Variants in CWF19L2 observed in about 807,000 individuals in gnomAD.
CWF19L2 encodes CWF19 like cell cycle control factor 2, also known as CWF19-like protein 2.
In CWF19L2, 98 loss-of-function variants were observed where a neutral mutation model predicts 111.7. The ratio of observed to expected loss-of-function variants is 0.88; its 90% CI spans 0.75 to 1.04. CWF19L2 has a LOEUF of 1.04. Among genes scored for constraint, CWF19L2 ranks in the 50% least tolerant of loss-of-function variants. The pLI is 0.00. For missense variants in CWF19L2, 1,101 were observed against 1,051.4 expected, an observed-to-expected ratio of 1.05 and a Z score of -0.65; for synonymous variants, 351 against 342.9, an observed-to-expected ratio of 1.02 and a Z score of -0.26.
chr11:107,403,079 T>C (rs1423045575), intron 10 of CWF19L2, among the ~76,000 whole-genome samples: 1 of 151,282 alleles, frequency 6.6e-6, no homozygotes, highest in Non-Finnish European at 1.5e-5. Flanking sequence ...ATAAGAATGA[T>C]ACAATGCACT....
chr11:107,402,963 G>A (rs1197011998), intron 10 of CWF19L2, among the ~76,000 whole-genome samples: 1 of 147,900 alleles, frequency 6.8e-6, no homozygotes, highest in Non-Finnish European at 1.5e-5. Context: ...TGACCTGGAT[G>A]AGACTGGAGA....
intron 10 of CWF19L2, among the ~76,000 whole-genome samples, chr11:107,406,441 G>A (rs1225271227): frequency 6.6e-6 from 1 of 152,078 alleles, no homozygotes; most frequent in African/African-American, 2.4e-5. Context: ...ACAAGTACCT[G>A]GCCAAGGCAG....
chr11:107,353,693 A>G lies in CWF19L2; in HGVS notation c.1916T>C (p.Met639Thr), dbSNP rs1441370617. 3 of 1,613,786 alleles carry G rather than the reference A, an allele frequency of 1.9e-6. No homozygotes were observed. Among genetic ancestry groups the G allele is most frequent in the Non-Finnish European group, 2.5e-6 (3 of 1,179,742 alleles). The change falls in exon 13 of 18, where the codon ATG becomes ACG. Residue 639 changes from methionine (M) to threonine (T), a missense_variant. Coordinates refer to ENST00000282251, the MANE Select transcript of CWF19L2 (RefSeq NM_152434.3). ...TDGDYYTLDD[M>T]FVSKAAERER... The stretch of plus-strand genomic sequence containing the variant: ...TCTCTCAGCTGCTTTGGAGACAAAC[A>G]TGTCATCCAGGGTGTAATAGTCTCC...
intron 8 of CWF19L2, among the ~76,000 whole-genome samples, chr11:107,425,865 AT>A (rs1861368832): frequency 6.6e-6 from 1 of 151,948 alleles, no homozygotes; most frequent in South Asian, 2.1e-4. Flanking sequence ...CTTCTCATTA[AT>A]TTTTGTTCAC....
intron 12 of CWF19L2, among the ~76,000 whole-genome samples, chr11:107,373,373 C>G (rs1400683642): frequency 7.4e-6 from 1 of 134,694 alleles, no homozygotes; most frequent in East Asian, 2.2e-4. Context: ...ATGCCCCTGT[C>G]TGACAGCTTT....
In CWF19L2 at chr11:107,336,568, A is replaced by G; in HGVS notation, c.2348T>C (p.Ile783Thr). ...ACTACTTATAAACACCTTAAAATAG[A>G]TGGGAGCCATGTCACCCACTTCCTT... ...LPKEVGDMAPIYFKKAIMESD... is the reference protein window; with the variant it reads ...LPKEVGDMAPTYFKKAIMESD... Residue 783 changes from isoleucine (I) to threonine (T), a missense_variant, in exon 15 of 18, where the codon ATC (isoleucine) becomes ACC (threonine). Coordinates refer to ENST00000282251, the MANE Select transcript of CWF19L2 (RefSeq NM_152434.3). 1.2e-6 allele frequency: 2 copies of G among 1,601,354 alleles called. No individual in the cohort carries two copies. The highest frequency in any genetic ancestry group is 1.7e-6 in the Non-Finnish European group (2 of 1,175,528).
At chr11:107,375,492 GA>G (rs1247121482) in intron 12 of CWF19L2, among the ~76,000 whole-genome samples, 3 of 137,986 alleles carry the variant, frequency 2.2e-5, no homozygotes, top group Non-Finnish European at 4.7e-5. Flanking sequence ...CAACTACATG[GA>G]AACTGAACAA....
chr11:107,387,474 C>CAAAAAAAAAAAAA (rs201682926), intron 12 of CWF19L2, among the ~76,000 whole-genome samples: 1 of 145,316 alleles, frequency 6.9e-6, no homozygotes, highest in Non-Finnish European at 1.5e-5. Context: ...AAACAAAAAA[C>CAAAAAAAAAAAAA]AAAAAAAACC....
chr11:107,388,369 A>G (rs1341310093), intron 12 of CWF19L2, among the ~76,000 whole-genome samples: 2 of 152,032 alleles, frequency 1.3e-5, no homozygotes, highest in East Asian at 3.9e-4. Flanking sequence ...TAACTGTTGA[A>G]CTGACAAATG....
At chr11:107,331,593 G>C (rs975367756) in intron 16 of CWF19L2, among the ~76,000 whole-genome samples, 2 of 152,210 alleles carry the variant, frequency 1.3e-5, no homozygotes, top group African/African-American at 4.8e-5. Context: ...AAGGAATGCA[G>C]GCATGCTGAC....
intron 10 of CWF19L2, among the ~76,000 whole-genome samples, chr11:107,407,899 T>C (rs916135895): frequency 6.6e-6 from 1 of 152,046 alleles, no homozygotes; most frequent in African/African-American, 2.4e-5. Context: ...CCTATAGTCA[T>C]ATGAGTGGGT....
At chr11:107,332,102 T>C (rs1355611340) in intron 16 of CWF19L2, among the ~76,000 whole-genome samples, 3 of 152,230 alleles carry the variant, frequency 2.0e-5, no homozygotes, top group Non-Finnish European at 4.4e-5. Context: ...TTCTTATAAG[T>C]ATCCTTGAAT....
intron 17 of CWF19L2, among the ~76,000 whole-genome samples, chr11:107,329,692 T>C (rs919377739): frequency 6.6e-6 from 1 of 152,166 alleles, no homozygotes; most frequent in Admixed American, 6.6e-5. Flanking sequence ...ATAGTAATTG[T>C]TGACACCGTC....
Position 107,390,120 on chromosome 11 carries a change from C to T in CWF19L2, c.1826G>A (p.Gly609Glu). 1 of 1,612,662 alleles carries T rather than the reference C, an allele frequency of 6.2e-7. No homozygotes were observed. Among genetic ancestry groups the T allele is most frequent in the Admixed American group, 1.7e-5 (1 of 59,958 alleles). The change falls in exon 12 of 18, where the codon GGA becomes GAA. Residue 609 changes from glycine to glutamate, a missense_variant. Transcript: ENST00000282251. The stretch of plus-strand genomic sequence containing the variant: ...GAGCTTGTTTTGATTTTCTGCTGTT[C>T]CCATCTTTTCATTTTTGACTAAATC... ...LNDLVKNEKMGTAENQNKLFM... is the reference protein window; with the variant it reads ...LNDLVKNEKMETAENQNKLFM...
At chr11:107,327,850 G>C (rs773650699) in intron 17 of CWF19L2, among the ~76,000 whole-genome samples, 1 of 152,130 alleles carries the variant, frequency 6.6e-6, no homozygotes, top group African/African-American at 2.4e-5. Context: ...AACAGACTAA[G>C]GATCAAATTC....
chr11:107,402,030 T>C (rs568058578), intron 10 of CWF19L2, among the ~76,000 whole-genome samples: 4 of 152,244 alleles, frequency 2.6e-5, no homozygotes, highest in East Asian at 1.9e-4. Flanking sequence ...GCTAGCCACA[T>C]GTAGGAGAAT....
chr11:107,345,431 T>C (rs1860065851), intron 14 of CWF19L2: 1 of 431,338 alleles, frequency 2.3e-6, no homozygotes, highest in Non-Finnish European at 4.7e-6. Flanking sequence ...ACATCTTTAC[T>C]TCATGTTTGT....
intron 10 of CWF19L2, 39 bp from the exon 11 acceptor site, chr11:107,392,934 G>A: frequency 8.3e-7 from 1 of 1,204,014 alleles, no homozygotes; most frequent in Non-Finnish European, 1.2e-6. Context: ...AAATTATTGT[G>A]AAGAATGTTG....
intron 12 of CWF19L2, among the ~76,000 whole-genome samples, chr11:107,361,613 G>C (rs995692641): frequency 4.6e-5 from 7 of 152,198 alleles, no homozygotes; most frequent in Non-Finnish European, 8.8e-5. Context: ...ATGAGAATGG[G>C]ATGTTTTTCC....
Sources: allele counts gnomAD v4.1 joint callset (sites outside exome capture counted in the v4.1 genomes callset), GRCh38; gene constraint gnomAD v4.1.1; transcripts MANE v1.5; gene names NCBI Gene and HGNC (gene_info 2026-07-23, HGNC 2026-07-21).